IGSF9B: variants seen among roughly 807,000 people sequenced by gnomAD.
The protein encoded by IGSF9B is immunoglobulin superfamily member 9B.
A neutral mutation model predicts 143.7 loss-of-function variants in IGSF9B; 48 were observed. The observed-to-expected ratio is 0.33, with a 90% CI of 0.26 to 0.42. IGSF9B has a LOEUF of 0.42. IGSF9B is among the 20% of genes least tolerant of loss of function. The pLI is 1.00. For missense variants in IGSF9B, 1,706 were observed against 1,980.0 expected (o/e 0.86, Z 2.63); for synonymous variants, 903 against 833.1 (o/e 1.08, Z -1.44).
chr11:133,937,902 T>C lies in IGSF9B; in HGVS notation c.469A>G (p.Ile157Val), dbSNP rs752200759. The change falls in exon 4 of 20, where the codon ATC becomes GTC. Residue 157 changes from isoleucine (I) to valine (V), a missense_variant. Transcript: ENST00000533871. Reference protein sequence around the residue: ...QYIEAKEGGSITMTCTAFGNP... With the variant: ...QYIEAKEGGSVTMTCTAFGNP... The stretch of plus-strand genomic sequence containing the variant: ...CCAAAAGCTGTGCAGGTCATGGTGA[T>C]ACTACCACCCTCCTTGGCCTCGATG... The C allele has an allele frequency of 5.0e-6, 8 of 1,612,820 alleles. No homozygotes were observed. The East Asian group carries it at 1.8e-4, about 36-fold the overall frequency.
In IGSF9B at chr11:133,948,080, TG is replaced by T; in HGVS notation, c.65-1823del. On this transcript the variant is annotated intron_variant, in intron 1 of 19. Coordinates refer to ENST00000533871, the MANE Select transcript of IGSF9B (RefSeq NM_001277285.4). The surrounding 1 kb of genome is among the most constrained non-coding windows in gnomAD (Gnocchi z 4.7). ...GCGTGTGTGTGTGTGTGTGTGTGTG[TG>T]TGTGTGTGTCTGTGTGTGTTTCGGT... Among the ~76,000 whole-genome samples, 1 of 146,304 alleles carries T rather than the reference TG, an allele frequency of 6.8e-6. No individual in the cohort carries two copies. Among genetic ancestry groups the T allele is most frequent in the East Asian group, 2.2e-4 (1 of 4,502 alleles).
intron 2 of IGSF9B, 55 bp downstream of exon 2, chr11:133,946,006 C>G (rs113016039): frequency 7.0e-6 from 9 of 1,281,022 alleles, no homozygotes; most frequent in Non-Finnish European, 8.6e-6. Flanking sequence ...GGGGAACCAC[C>G]GAGGAGCTGA....
chr11:133,935,829 A>G, intron 6 of IGSF9B, 67 bp from the exon 7 acceptor site: 1 of 1,562,010 alleles, frequency 6.4e-7, no homozygotes, highest in East Asian at 2.3e-5. Flanking sequence ...ACACACAGTC[A>G]CCGTCACTGC....
rs535460802 is a variant in IGSF9B, at chr11:133,920,047, C to G, written c.3678G>C (p.Pro1226=). The change falls in exon 18 of 20, where the codon CCG becomes CCC. Residue 1226 remains proline, a synonymous_variant. Coordinates refer to ENST00000533871, the MANE Select transcript of IGSF9B (RefSeq NM_001277285.4). ...PELAARARPR[P]GLLQQAEMSE... is the part of the protein sequence containing the mutation. ...ACATCTCTGCCTGCTGCAGGAGGCC[C>G]GGGCGAGGCCGGGCACGGGCGGCGA... 6 of 1,554,304 alleles carry G rather than the reference C, an allele frequency of 3.9e-6. No homozygotes were observed. The African/African-American group carries it at 6.9e-5, about 18-fold the overall frequency.
intron 18 of IGSF9B, among the ~76,000 whole-genome samples, chr11:133,916,852 G>A (rs1434209037): frequency 6.6e-6 from 1 of 152,128 alleles, no homozygotes; most frequent in Non-Finnish European, 1.5e-5. Context: ...TGGGGAAGGT[G>A]GAAGACCAGT....
At chr11:133,937,546 C>G (rs1939847715) in intron 4 of IGSF9B, 53 bp from the exon 5 acceptor site, 1 of 1,412,116 alleles carries the variant, frequency 7.1e-7, no homozygotes, top group African/African-American at 1.4e-5. Flanking sequence ...CCCACCGCTG[C>G]TACCCTCAAA....
Position 133,920,186 on chromosome 11 carries a change from C to A in IGSF9B, c.3539G>T (p.Ser1180Ile), listed in dbSNP as rs767740632. Residue 1180 changes from serine (S) to isoleucine (I), a missense_variant, in exon 18 of 20, where the codon AGC (serine) becomes ATC (isoleucine). Transcript: ENST00000533871. The part of the protein sequence containing the change: ...WYEPQPRPRP[S>I]PRQARRAEPS... Reference sequence around the variant, plus strand: ...CTCGGCGCGCCTGGCCTGCCGAGGGCTAGGCCGGGGCCGGGGCTGGGGCTC... The same window carrying A: ...CTCGGCGCGCCTGGCCTGCCGAGGGATAGGCCGGGGCCGGGGCTGGGGCTC... The A allele has an allele frequency of 5.9e-6, 9 of 1,512,658 alleles. No homozygotes were observed. The highest frequency in any genetic ancestry group is 1.4e-5 in the African/African-American group (1 of 71,464). 93.7% of individuals were successfully genotyped at this position (1,512,658 alleles called of 1,614,324 possible). A position where few individuals can be genotyped will look rare whatever the true frequency, so the allele number is the denominator to read the frequency against.
At chr11:133,938,795 G>C (rs1319333321) in intron 3 of IGSF9B, among the ~76,000 whole-genome samples, 1 of 152,214 alleles carries the variant, frequency 6.6e-6, no homozygotes, top group Non-Finnish European at 1.5e-5. Context: ...GGTACCTGAA[G>C]CTCAGAACCC....
intron 7 of IGSF9B, among the ~76,000 whole-genome samples, chr11:133,934,770 G>A (rs989143075): frequency 6.6e-6 from 1 of 152,246 alleles, no homozygotes. Context: ...CACTGACCCC[G>A]GTCTTGTCTC....
chr11:133,912,120 A>T, intron 18 of IGSF9B, 113 bp from the exon 19 acceptor site: 1 of 1,297,134 alleles, frequency 7.7e-7, no homozygotes, highest in Non-Finnish European at 1.0e-6. Flanking sequence ...GTTCAGTCCT[A>T]CAGAGCCCAA....
chr11:133,943,134 A>T (rs1246650428), intron 3 of IGSF9B, among the ~76,000 whole-genome samples: 1 of 152,142 alleles, frequency 6.6e-6, no homozygotes, highest in Non-Finnish European at 1.5e-5. Context: ...TCTCTATTCT[A>T]ACCACAGCAT....
Position 133,944,380 on chromosome 11 carries a change from G to T in IGSF9B, c.263-14C>A, listed in dbSNP as rs1341992944. 1.2e-6 allele frequency: 2 copies of T among 1,612,220 alleles called. No homozygotes were observed. The highest frequency in any genetic ancestry group is 2.2e-5 in the East Asian group (1 of 44,876). The stretch of plus-strand genomic sequence containing the variant: ...GACTGGCCCGGCCTGGGGGAATAGA[G>T]CAGACAAAAGCCCCACAGGCCATCA... On this transcript the variant is annotated splice_polypyrimidine_tract_variant and intron_variant, in intron 2 of 19. Coordinates refer to ENST00000533871, the MANE Select transcript of IGSF9B (RefSeq NM_001277285.4).
intron 1 of IGSF9B, among the ~76,000 whole-genome samples, chr11:133,947,224 G>A (rs1182303285): frequency 3.9e-5 from 6 of 152,174 alleles, no homozygotes; most frequent in African/African-American, 1.4e-4. Context: ...ACCACTCCTG[G>A]GCCCAAAGAA....
chr11:133,911,041 A>C (rs766301192), intron 19 of IGSF9B, among the ~76,000 whole-genome samples: 3 of 152,146 alleles, frequency 2.0e-5, no homozygotes, highest in Non-Finnish European at 4.4e-5. Context: ...GGGGCTTTGA[A>C]TTTCTATATA....
rs1250631122 is a variant in IGSF9B, at chr11:133,901,843, C to CCACACACACAAA, written c.*7225_*7226insTTTGTGTGTGTG. On this transcript the variant is annotated 3_prime_UTR_variant, in exon 20 of 20. Coordinates refer to ENST00000533871, the MANE Select transcript of IGSF9B (RefSeq NM_001277285.4). ...CACCACACACACAAACACACACACA[C>CCACACACACAAA]CACACACGCACCACACACGCACCAC... Among the ~76,000 whole-genome samples the CCACACACACAAA allele has an allele frequency of 6.8e-6, 1 of 146,466 alleles. No individual in the cohort carries two copies. Among genetic ancestry groups the CCACACACACAAA allele is most frequent in the African/African-American group, 2.5e-5 (1 of 39,650 alleles).
chr11:133,903,728 GGTT>G lies in IGSF9B; in HGVS notation c.*5338_*5340del, dbSNP rs376598356. On this transcript the variant is annotated 3_prime_UTR_variant, in exon 20 of 20. Transcript: ENST00000533871. ...ACCCAACACACAGAACATCTGGTGG[GGTT>G]ATTATACTTGCTCCTGAAAGAAGGT... Among the ~76,000 whole-genome samples the G allele has an allele frequency of 2.8e-4, 43 of 152,270 alleles. No individual in the cohort carries two copies. The East Asian group carries it at 5.8e-3, about 20-fold the overall frequency.
chr11:133,918,153 C>T (rs1264535087), intron 18 of IGSF9B, among the ~76,000 whole-genome samples: 7 of 151,826 alleles, frequency 4.6e-5, no homozygotes, highest in African/African-American at 7.3e-5. Flanking sequence ...CCCCACGGGG[C>T]GGTGAGGGGA....
rs1939478207 is a variant in IGSF9B, at chr11:133,919,817, T to C, written c.3908A>G (p.Gln1303Arg). ...GPGDSLDVFG[Q>R]TPSPRRTGEE... ...CCCCGTCCTTCGAGGGGAAGGCGTC[T>C]GTCCAAACACGTCCAAGCTGTCCCC... The change falls in exon 18 of 20, where the codon CAG (glutamine) becomes CGG (arginine). Residue 1303 changes from glutamine to arginine, a missense_variant. Gln to Arg is a conservative substitution (Grantham distance 43, BLOSUM62 1). This residue lies in a region of IGSF9B where 880 missense variants were observed against 762.9 expected (regional missense o/e 1.15). Transcript: ENST00000533871. 1 of 1,529,530 alleles carries C rather than the reference T, an allele frequency of 6.5e-7. No homozygotes were observed. The allele number at this position is 1,529,530 out of a possible 1,614,324, so 94.7% of individuals were successfully genotyped here.
rs1940090449 is a variant in IGSF9B at position 133,948,079 on chromosome 11, G to GTC, written c.65-1822_65-1821insGA. 6.9e-6 allele frequency among the ~76,000 whole-genome samples: 1 copy of GTC among 144,062 alleles called. No homozygotes were observed. The highest frequency in any genetic ancestry group is 2.2e-4 in the East Asian group (1 of 4,462). The allele number at this position is 144,062 out of a possible 152,430, so 94.5% of individuals were successfully genotyped here. On this transcript the variant is annotated intron_variant, in intron 1 of 19. Coordinates refer to ENST00000533871, the MANE Select transcript of IGSF9B (RefSeq NM_001277285.4). This position sits in a 1 kb window ranked among gnomAD's most constrained non-coding sequence, Gnocchi z 4.7. ...TGCGTGTGTGTGTGTGTGTGTGTGT[G>GTC]TGTGTGTGTGTCTGTGTGTGTTTCG...
Sources: gnomAD v4.1 joint callset for allele counts (sites outside exome capture counted in the v4.1 genomes callset) on GRCh38, gnomAD v4.1.1 for gene constraint, gnomAD v4.1.1 regional missense constraint, Gnocchi (gnomAD v3.1) non-coding constraint, MANE v1.5 for transcripts, NCBI Gene and HGNC (gene_info 2026-07-23, HGNC 2026-07-21) for gene names.